The following STRA8 variants were observed in gnomAD, a reference collection of about 807,000 sequenced individuals.
STRA8 encodes stimulated by retinoic acid 8.
In STRA8, 18 loss-of-function variants were observed where a neutral mutation model predicts 37.1. The observed-to-expected ratio is 0.48, with a 90% CI of 0.34 to 0.72. The LOEUF (loss-of-function observed/expected upper bound fraction) is 0.72. Among genes scored for constraint, STRA8 ranks in the 30% least tolerant of loss-of-function variants. The pLI is 0.01. For missense variants in STRA8, 357 were observed against 410.4 expected (o/e 0.87, Z 1.13); for synonymous variants, 168 against 162.9 (o/e 1.03, Z -0.24).
At chr7:135,255,326 C>T (rs1407802045) in intron 8 of STRA8, 101 bp downstream of exon 8, 2 of 826,190 alleles carry the variant, frequency 2.4e-6, no homozygotes, top group Non-Finnish European at 4.0e-6. Flanking sequence ...CCAATCATAC[C>T]ATGAGGAGCC....
intron 4 of STRA8, 56 bp from the exon 5 acceptor site, chr7:135,245,232 C>A: frequency 1.3e-6 from 1 of 779,616 alleles, no homozygotes; most frequent in South Asian, 1.3e-5. Context: ...AATTTCTTGT[C>A]CATGTTCATG....
chr7:135,231,934 C>G (rs766103424), upstream of STRA8: 8 of 1,582,026 alleles, frequency 5.1e-6, no homozygotes, highest in Non-Finnish European at 5.2e-6. Flanking sequence ...GAGAGGCCAC[C>G]AGGAGGCCCC....
chr7:135,233,366 T>C (rs1187231943), upstream of STRA8, among the ~76,000 whole-genome samples: 1 of 152,188 alleles, frequency 6.6e-6, no homozygotes, highest in Non-Finnish European at 1.5e-5. Context: ...CGTTTTCTCA[T>C]GTTTTCGCTT....
chr7:135,256,900 G>A (rs1398058065), intron 8 of STRA8, among the ~76,000 whole-genome samples: 1 of 152,198 alleles, frequency 6.6e-6, no homozygotes, highest in African/African-American at 2.4e-5. Context: ...CCAGAAATCT[G>A]CATTTGGAAT....
intron 1 of STRA8, among the ~76,000 whole-genome samples, chr7:135,238,674 G>C (rs1832415617): frequency 6.6e-6 from 1 of 152,112 alleles, no homozygotes; most frequent in Admixed American, 6.5e-5. Context: ...AGACACATCT[G>C]TTGCTCCTTA....
chr7:135,252,729 C>G (rs1414165037), intron 7 of STRA8, among the ~76,000 whole-genome samples: 2 of 152,184 alleles, frequency 1.3e-5, no homozygotes, highest in African/African-American at 4.8e-5. Flanking sequence ...TGCTGTATCC[C>G]TGCCTTAAGT....
chr7:135,248,507 A>G (rs959298738), intron 6 of STRA8, among the ~76,000 whole-genome samples: 1 of 152,178 alleles, frequency 6.6e-6, no homozygotes. Flanking sequence ...CAGGAGTTTG[A>G]GACCAGCCTG....
chr7:135,235,166 C>T (rs1832352378), intron 1 of STRA8, among the ~76,000 whole-genome samples: 1 of 152,192 alleles, frequency 6.6e-6, no homozygotes, highest in Non-Finnish European at 1.5e-5. Context: ...GCCACTGTGC[C>T]TGGGCAGCAA....
chr7:135,245,930 T>C (rs1041321727), intron 5 of STRA8, among the ~76,000 whole-genome samples: 1 of 152,038 alleles, frequency 6.6e-6, no homozygotes, highest in African/African-American at 2.4e-5. Context: ...GGCTCAGACG[T>C]CCCTTGCCAC....
At chr7:135,257,588 C>A (rs1562975435) in intron 8 of STRA8, among the ~76,000 whole-genome samples, 1 of 151,944 alleles carries the variant, frequency 6.6e-6, no homozygotes, top group Non-Finnish European at 1.5e-5. Flanking sequence ...CCATGCCCAG[C>A]TAATTTTTTT....
chr7:135,252,255 A>G (rs1832648166), intron 7 of STRA8, among the ~76,000 whole-genome samples: 1 of 152,136 alleles, frequency 6.6e-6, no homozygotes. Context: ...GGAAACCTGT[A>G]TATCCTCACA....
chr7:135,233,703 T>C (rs1316537990), upstream of STRA8, among the ~76,000 whole-genome samples: 1 of 151,950 alleles, frequency 6.6e-6, no homozygotes, highest in Non-Finnish European at 1.5e-5. Context: ...TTTCTTCCAC[T>C]GCCCACACGC....
intron 1 of STRA8, among the ~76,000 whole-genome samples, chr7:135,239,005 G>A (rs1832420346): frequency 6.6e-6 from 1 of 152,192 alleles, no homozygotes; most frequent in African/African-American, 2.4e-5. Flanking sequence ...TTCCTGCCCT[G>A]TTCCAAAAAG....
chr7:135,257,811 T>C (rs956729267), intron 8 of STRA8, among the ~76,000 whole-genome samples: 1 of 137,668 alleles, frequency 7.3e-6, no homozygotes, highest in Non-Finnish European at 1.5e-5. Context: ...CCAAAAGATA[T>C]ACAATGGACA....
At chr7:135,232,848 C>T (rs941170405), upstream of STRA8, among the ~76,000 whole-genome samples, 2 of 152,210 alleles carry the variant, frequency 1.3e-5, no homozygotes, top group African/African-American at 2.4e-5. Context: ...TCCCCTGCTA[C>T]GCCTGCTAAG....
At position 135,246,330 on chromosome 7, in the gene STRA8, C is replaced by T; in HGVS notation, c.594-87C>T. 6.5e-7 allele frequency: 1 copy of T among 1,528,674 alleles called. No homozygotes were observed. The highest frequency in any genetic ancestry group is 8.9e-7 in the Non-Finnish European group (1 of 1,128,462). The allele number at this position is 1,528,674 out of a possible 1,614,324, so 94.7% of individuals were successfully genotyped here. A position where few individuals can be genotyped will look rare whatever the true frequency, so the allele number is the denominator to read the frequency against. ...AGCCGTGGCGCCGTGGCCGGGCCTGCGTGCTGGGGTCCACACCATGAACCG... is the reference window on the plus strand; with the variant it reads ...AGCCGTGGCGCCGTGGCCGGGCCTGTGTGCTGGGGTCCACACCATGAACCG... On this transcript the variant is annotated intron_variant, in intron 5 of 8. Transcript: ENST00000662584. The surrounding 1 kb of genome is among the most constrained non-coding windows in gnomAD (Gnocchi z 5.4).
At chr7:135,235,079 C>T (rs369534417) in intron 1 of STRA8, among the ~76,000 whole-genome samples, 26 of 152,184 alleles carry the variant, frequency 1.7e-4, no homozygotes, top group African/African-American at 6.0e-4. Flanking sequence ...GCCACGTTGC[C>T]CAGTCTGGTC....
At chr7:135,258,351 T>C in intron 8 of STRA8, 67 bp from the exon 9 acceptor site, 1 of 1,366,866 alleles carries the variant, frequency 7.3e-7, no homozygotes, top group East Asian at 2.5e-5. Flanking sequence ...TGCAGGAGCC[T>C]TCCTATCTGC....
rs764808981 is a variant in STRA8 at position 135,246,738 on chromosome 7, C to T, written c.879+36C>T. Reference sequence around the variant, plus strand: ...CCACCGGGGTGGCGTGGATGGGGCACGGGAACCACCCTCGCCCTCGCCTGG... The same window carrying T: ...CCACCGGGGTGGCGTGGATGGGGCATGGGAACCACCCTCGCCCTCGCCTGG... On this transcript the variant is annotated intron_variant, in intron 6 of 8. Transcript: ENST00000662584. This position sits in a 1 kb window ranked among gnomAD's most constrained non-coding sequence, Gnocchi z 5.4. 17 of 1,487,356 alleles carry T rather than the reference C, an allele frequency of 1.1e-5. No homozygotes were observed. The African/African-American group carries it at 1.8e-4, about 16-fold the overall frequency. 92.1% of individuals were successfully genotyped at this position (1,487,356 alleles called of 1,614,324 possible). A position where few individuals can be genotyped will look rare whatever the true frequency, so the allele number is the denominator to read the frequency against.
Sources: allele counts gnomAD v4.1 joint callset (sites outside exome capture counted in the v4.1 genomes callset), GRCh38; gene constraint gnomAD v4.1.1; non-coding constraint Gnocchi (gnomAD v3.1); transcripts MANE v1.5; gene names NCBI Gene and HGNC (gene_info 2026-07-23, HGNC 2026-07-21).